Variants in NANOS3 observed in about 807,000 individuals in gnomAD.
NANOS3 encodes the protein nanos homolog 3.
In NANOS3, 11 loss-of-function variants were observed where a neutral mutation model predicts 13.8. The ratio of observed to expected loss-of-function variants is 0.80; its 90% CI spans 0.50 to 1.32. NANOS3 has a LOEUF of 1.32. Ranked by LOEUF, NANOS3 falls within the 40% of genes most tolerant of loss-of-function variation. The pLI is 0.00. For missense variants in NANOS3, 221 were observed against 263.8 expected (o/e 0.84, Z 1.12); for synonymous variants, 119 against 115.4 (o/e 1.03, Z -0.20).
At chr19:13,875,646 G>A (rs141774765), upstream of NANOS3, among the ~76,000 whole-genome samples, 24 of 151,880 alleles carry the variant, frequency 1.6e-4, no homozygotes, top group Non-Finnish European at 3.1e-4. Context: ...GGAGTCAAGC[G>A]TTGATCCTCC....
At chr19:13,872,743 GC>G (rs1395446552), upstream of NANOS3, among the ~76,000 whole-genome samples, 1 of 152,206 alleles carries the variant, frequency 6.6e-6, no homozygotes, top group South Asian at 2.1e-4. Flanking sequence ...AGCCGATCAG[GC>G]CCCCCCACTC....
At chr19:13,879,870 C>CA (rs963091409) in intron 1 of NANOS3, among the ~76,000 whole-genome samples, 10 of 152,080 alleles carry the variant, frequency 6.6e-5, no homozygotes, top group African/African-American at 2.2e-4. Context: ...ACTGAAAATA[C>CA]AAAAAATTAA....
At chr19:13,862,123 G>C (rs1175082042), upstream of NANOS3, 1 of 152,406 alleles carries the variant, frequency 6.6e-6, no homozygotes, top group Non-Finnish European at 1.5e-5. Flanking sequence ...ACCCAGTTCA[G>C]GAATGCAGAG....
chr19:13,876,618 C>T (rs1165011632), upstream of NANOS3, among the ~76,000 whole-genome samples: 1 of 152,106 alleles, frequency 6.6e-6, no homozygotes, highest in Admixed American at 6.5e-5. Flanking sequence ...CCCCTACCCC[C>T]GCAACCAGCC....
rs1303091049 is a variant in NANOS3 at position 13,877,640 on chromosome 19, C to T, written c.392C>T (p.Thr131Ile). 6 of 1,612,254 alleles carry T rather than the reference C, an allele frequency of 3.7e-6. No homozygotes were observed. In the African/African-American group the frequency reaches 8.0e-5, roughly 22 times the overall value. Residue 131 changes from threonine to isoleucine, a missense_variant, in exon 1 of 2, where the codon ACT becomes ATT. By Grantham distance (89) the Thr-to-Ile change is moderately conservative. Around this residue, in one of 3 missense-constraint regions of NANOS3, gnomAD observed 49 missense variants for 91.0 expected, o/e 0.54. Transcript: ENST00000339133. Reference protein sequence around the residue: ...RAHTRRFCPLTGQGYTSVYSH... With the variant: ...RAHTRRFCPLIGQGYTSVYSH... Reference sequence around the variant, plus strand: ...CACACCCGACGCTTCTGCCCACTTACTGGCCAGGGCTACACCTCCGTCTAC... The same window carrying T: ...CACACCCGACGCTTCTGCCCACTTATTGGCCAGGGCTACACCTCCGTCTAC...
upstream of NANOS3, among the ~76,000 whole-genome samples, chr19:13,872,270 A>AG (rs1976338900): frequency 6.8e-6 from 1 of 147,658 alleles, no homozygotes; most frequent in Non-Finnish European, 1.5e-5. Context: ...GCTTGAACCC[A>AG]GGAGGTGGAA....
chr19:13,876,390 C>T (rs1235339955), upstream of NANOS3, among the ~76,000 whole-genome samples: 7 of 152,100 alleles, frequency 4.6e-5, no homozygotes, highest in Admixed American at 4.6e-4. Flanking sequence ...GAACTCTTGA[C>T]CTCAGGTGAT....
At chr19:13,865,557 C>T (rs890913584) in intron 1 of NANOS3, 3 of 146,064 alleles carry the variant, frequency 2.1e-5, no homozygotes, top group African/African-American at 4.9e-5. Context: ...TGCTCGCAGC[C>T]CCGGGGCGGG....
rs769197132 is a variant in NANOS3, at chr19:13,877,676, C to G, written c.428C>G (p.Thr143Ser). 10 of 1,611,974 alleles carry G rather than the reference C, an allele frequency of 6.2e-6. No homozygotes were observed. In the South Asian group the frequency reaches 1.1e-4, roughly 18 times the overall value. ...QGYTSVYSHTTRNSAGKKLVR... is the reference protein window; with the variant it reads ...QGYTSVYSHTSRNSAGKKLVR... ...TACACCTCCGTCTACAGCCACACCACCCGAAACTCGGCAGGCAAGAAGCTG... is the reference window on the plus strand; with the variant it reads ...TACACCTCCGTCTACAGCCACACCAGCCGAAACTCGGCAGGCAAGAAGCTG... Residue 143 changes from threonine (T) to serine (S), a missense_variant, in exon 1 of 2, where the codon ACC becomes AGC. Physicochemically the swap from Thr to Ser is moderately conservative, Grantham distance 58. Coordinates refer to ENST00000339133, the MANE Select transcript of NANOS3 (RefSeq NM_001098622.3).
upstream of NANOS3, among the ~76,000 whole-genome samples, chr19:13,872,697 C>A (rs57383195): frequency 0.011 from 1,722 of 152,340 alleles, 42 homozygotes; most frequent in African/African-American, 0.04. Context: ...CTCGGAAGGG[C>A]CTGGACACCT....
At position 13,879,586 on chromosome 19, in the gene NANOS3, G is replaced by A. The variant is rs556004996; in HGVS notation, c.518-856G>A. The stretch of plus-strand genomic sequence containing the variant: ...CCCAGTGTCTACAAAAAATTAGCTG[G>A]GCATGGTAGTGTGTGCCTGTAGTCC... On this transcript the variant is annotated intron_variant, in intron 1 of 1. Coordinates refer to ENST00000339133, the MANE Select transcript of NANOS3 (RefSeq NM_001098622.3). Among the ~76,000 whole-genome samples the A allele has an allele frequency of 2.0e-5, 3 of 152,194 alleles. No homozygotes were observed. The South Asian group carries it at 6.2e-4, about 32-fold the overall frequency.
At chr19:13,864,047 C>T (rs1300938743), upstream of NANOS3, among the ~76,000 whole-genome samples, 1 of 152,124 alleles carries the variant, frequency 6.6e-6, no homozygotes, top group Non-Finnish European at 1.5e-5. Flanking sequence ...AGAAATCTGT[C>T]AGCTCAGCCC....
chr19:13,869,351 A>G (rs1031829034), intron 1 of NANOS3, among the ~76,000 whole-genome samples: 8 of 151,548 alleles, frequency 5.3e-5, no homozygotes, highest in African/African-American at 7.3e-5. Context: ...ATAGCCCCCA[A>G]TCCCATTCCT....
upstream of NANOS3, among the ~76,000 whole-genome samples, chr19:13,865,210 G>A (rs1207625072): frequency 4.0e-5 from 6 of 149,408 alleles, no homozygotes; most frequent in Admixed American, 4.0e-4. Flanking sequence ...GGGGAGCGCG[G>A]GCACGTCACC....
chr19:13,862,316 C>T (rs1047068581), upstream of NANOS3: 2 of 152,192 alleles, frequency 1.3e-5, no homozygotes, highest in African/African-American at 2.4e-5. Flanking sequence ...AGGCAGAGTC[C>T]TCAGCTACCG....
intron 1 of NANOS3, among the ~76,000 whole-genome samples, chr19:13,871,269 G>GCAGGT (rs1389876618): frequency 6.6e-6 from 1 of 152,150 alleles, no homozygotes; most frequent in Non-Finnish European, 1.5e-5. Flanking sequence ...ACAGTTTGAG[G>GCAGGT]CAGGTGCACG....
intron 1 of NANOS3, among the ~76,000 whole-genome samples, chr19:13,871,149 G>T (rs1008884277): frequency 9.2e-5 from 14 of 152,110 alleles, no homozygotes; most frequent in Non-Finnish European, 2.1e-4. Flanking sequence ...AAGCAGGGCA[G>T]GGCTGCAGAC....
upstream of NANOS3, among the ~76,000 whole-genome samples, chr19:13,863,702 G>C (rs940373261): frequency 6.6e-6 from 1 of 152,118 alleles, no homozygotes; most frequent in Admixed American, 6.6e-5. Flanking sequence ...ACTTCCTTTG[G>C]GAGAGGTTAG....
chr19:13,865,976 G>C (rs1976232490), intron 1 of NANOS3, among the ~76,000 whole-genome samples: 1 of 152,054 alleles, frequency 6.6e-6, no homozygotes, highest in African/African-American at 2.4e-5. Flanking sequence ...ATGGGCGCTC[G>C]GGCCTGCGGA....
Sources: gnomAD v4.1 joint callset for allele counts (sites outside exome capture counted in the v4.1 genomes callset) on GRCh38, gnomAD v4.1.1 for gene constraint, gnomAD v4.1.1 regional missense constraint, MANE v1.5 for transcripts, NCBI Gene and HGNC (gene_info 2026-07-23, HGNC 2026-07-21) for gene names.